Variants in LCT observed in about 807,000 individuals in gnomAD.
LCT encodes the protein lactase/phlorizin hydrolase.
Under a neutral mutation model 173.0 loss-of-function variants are expected in LCT, and 90 were observed. The observed-to-expected ratio is 0.52, with a 90% confidence interval of 0.44 to 0.62. The LOEUF (loss-of-function observed/expected upper bound fraction) is 0.62. Among genes scored for constraint, LCT ranks in the 20% least tolerant of loss-of-function variants. LCT has a pLI of 0.00. For missense variants in LCT, 1,864 were observed against 2,431.4 expected (o/e 0.77, Z 4.91); for synonymous variants, 853 against 957.6 (o/e 0.89, Z 2.02).
At chr2:135,791,154 G>C (rs1320724906) in intron 14 of LCT, among the ~76,000 whole-genome samples, 3 of 152,172 alleles carry the variant, frequency 2.0e-5, no homozygotes, top group Non-Finnish European at 4.4e-5. Context: ...CTTGCTCATG[G>C]AGCCCAGCCC....
At chr2:135,832,435 A>G (rs905662691) in intron 2 of LCT, among the ~76,000 whole-genome samples, 3 of 151,860 alleles carry the variant, frequency 2.0e-5, no homozygotes, top group African/African-American at 7.2e-5. Flanking sequence ...CTGTAAAAAA[A>G]TAAATAAATA....
rs559721197 is a variant in LCT, at chr2:135,825,610, C to T, written c.805-1607G>A. 4.6e-5 allele frequency among the ~76,000 whole-genome samples: 7 copies of T among 152,286 alleles called. No homozygotes were observed. In the East Asian group the frequency reaches 9.7e-4, roughly 21 times the overall value. On this transcript the variant is annotated intron_variant, in intron 3 of 16. Coordinates refer to ENST00000264162, the MANE Select transcript of LCT (RefSeq NM_002299.4). ...CTGATAAGTGGATGGGGGACCTCCT[C>T]GTGTGCCTCCTGCAGAACCGAGAAC... is the stretch of plus-strand genomic sequence containing the variant.
Position 135,808,512 on chromosome 2 carries a change from T to C in LCT, c.3835A>G (p.Thr1279Ala), listed in dbSNP as rs2077696216. The C allele has an allele frequency of 6.2e-7, 1 of 1,614,102 alleles. No individual in the cohort carries two copies. Among genetic ancestry groups the C allele is most frequent in the East Asian group, 2.2e-5 (1 of 44,894 alleles). Residue 1279 changes from threonine (T) to alanine (A), a missense_variant, in exon 8 of 17, where the codon ACC becomes GCC. Thr to Ala is a moderately conservative substitution (Grantham distance 58, BLOSUM62 0). Around this residue, in one of 4 missense-constraint regions of LCT, gnomAD observed 755 missense variants for 926.3 expected, o/e 0.82. Coordinates refer to ENST00000264162, the MANE Select transcript of LCT (RefSeq NM_002299.4). ...IYITENGVGL[T>A]NPNTEDTDRI... Reference sequence around the variant, plus strand: ...TCAGTATCCTCCGTGTTCGGATTGGTCAGCCCCACTCCGTTTTCGGTGATG... The same window carrying C: ...TCAGTATCCTCCGTGTTCGGATTGGCCAGCCCCACTCCGTTTTCGGTGATG...
At chr2:135,792,720 C>T (rs945479503) in intron 14 of LCT, among the ~76,000 whole-genome samples, 1 of 152,198 alleles carries the variant, frequency 6.6e-6, no homozygotes, top group African/African-American at 2.4e-5. Flanking sequence ...CCTATTCCCC[C>T]ACAGTGGCCA....
At chr2:135,797,243 C>A (rs1021687955) in intron 13 of LCT, among the ~76,000 whole-genome samples, 2 of 152,112 alleles carry the variant, frequency 1.3e-5, no homozygotes, top group African/African-American at 2.4e-5. Context: ...CCACCGCACC[C>A]GGCCTGGGAG....
chr2:135,834,787 C>CAAAAAAAA lies in LCT; in HGVS notation c.641-1605_641-1598dup, dbSNP rs60298631. Among the ~76,000 whole-genome samples, 50 of 34,128 alleles carry CAAAAAAAA rather than the reference C, an allele frequency of 1.5e-3. 1 individual carries two copies. Among genetic ancestry groups the CAAAAAAAA allele is most frequent in the African/African-American group, 2.2e-3 (22 of 10,176 alleles). 22.4% of individuals were successfully genotyped at this position (34,128 alleles called of 152,430 possible). ...TGGACAAAAGAGTGAGACTCCATCT[C>CAAAAAAAA]AAAAAAAAAAAAAAAAAAAAAAAGA... On this transcript the variant is annotated intron_variant, in intron 1 of 16. Coordinates refer to ENST00000264162, the MANE Select transcript of LCT (RefSeq NM_002299.4).
chr2:135,788,739 C>A (rs1033006332), intron 16 of LCT, among the ~76,000 whole-genome samples, 195 bp from the exon 17 acceptor site: 1 of 152,192 alleles, frequency 6.6e-6, no homozygotes, highest in Non-Finnish European at 1.5e-5. Context: ...ATTTTTTAAA[C>A]ATCTCTATCA....
chr2:135,793,574 C>A (rs2077551091), intron 14 of LCT, among the ~76,000 whole-genome samples: 2 of 152,140 alleles, frequency 1.3e-5, no homozygotes, highest in African/African-American at 4.8e-5. Context: ...TTCTATAAGA[C>A]CCCCAAAAGG....
In LCT at chr2:135,809,855, G is replaced by A; in HGVS notation, c.2492C>T (p.Pro831Leu). Residue 831 changes from proline to leucine, a missense_variant, in exon 8 of 17, where the codon CCC (proline) becomes CTC (leucine). Pro to Leu is a moderately conservative substitution (Grantham distance 98, BLOSUM62 -3). Transcript: ENST00000264162. This position sits in a 1 kb window ranked among gnomAD's most constrained non-coding sequence, Gnocchi z 5.5. ...AGTGAAAAAGTAGGCAGATTTCCTG[G>A]GAGTCCTTGACTTGCTGCTGTCGCT... is the stretch of plus-strand genomic sequence containing the variant. ...NFSDSSKSRT[P>L]RKSAYFFTSI... 1 of 1,614,102 alleles carries A rather than the reference G, an allele frequency of 6.2e-7. No homozygotes were observed. The highest frequency in any genetic ancestry group is 8.5e-7 in the Non-Finnish European group (1 of 1,179,998).
chr2:135,837,065 T>C lies in LCT; in HGVS notation c.105A>G (p.Leu35=). 1 of 1,614,078 alleles carries C rather than the reference T, an allele frequency of 6.2e-7. No homozygotes were observed. Among genetic ancestry groups the C allele is most frequent in the Non-Finnish European group, 8.5e-7 (1 of 1,179,992 alleles). ...DRNFISTAGP[L]TNDLLHNLSG... is the part of the protein sequence containing the mutation. ...TCAGGTTGTGCAGCAAGTCATTGGT[T>C]AGAGGACCAGCGGTGGAAATGAAAT... Residue 35 remains leucine, a synonymous_variant, in exon 1 of 17, where the codon CTA becomes CTG. Coordinates refer to ENST00000264162, the MANE Select transcript of LCT (RefSeq NM_002299.4).
In LCT at chr2:135,822,115, T is replaced by C. The variant is rs1327993128; in HGVS notation, c.908-17A>G. On this transcript the variant is annotated splice_polypyrimidine_tract_variant and intron_variant, in intron 4 of 16. Transcript: ENST00000264162. ...TATTTATGGCTGTAAGAGAAGAAATTGAATTAACTCTATGTAAATGCCAAC... is the reference window on the plus strand; with the variant it reads ...TATTTATGGCTGTAAGAGAAGAAATCGAATTAACTCTATGTAAATGCCAAC... 6.9e-7 allele frequency: 1 copy of C among 1,443,492 alleles called. No homozygotes were observed. Among genetic ancestry groups the C allele is most frequent in the African/African-American group, 1.4e-5 (1 of 71,614 alleles). The allele number at this position is 1,443,492 out of a possible 1,614,324, so 89.4% of individuals were successfully genotyped here.
intron 9 of LCT, 112 bp downstream of exon 9, chr2:135,807,016 T>A (rs1483548199): frequency 4.0e-6 from 5 of 1,257,122 alleles, no homozygotes; most frequent in Non-Finnish European, 5.7e-6. Flanking sequence ...TGCCCCTCCA[T>A]GGGTCTGCTG....
intron 6 of LCT, 26 bp downstream of exon 6, chr2:135,817,315 G>C (rs376011724): frequency 1.9e-6 from 3 of 1,609,110 alleles, no homozygotes; most frequent in Non-Finnish European, 2.5e-6. Context: ...CCTCCAATTA[G>C]TAGGAGCTGC....
Position 135,804,093 on chromosome 2 carries a change from G to C in LCT, c.4500C>G (p.Leu1500=), listed in dbSNP as rs753059062. ...TIYHWDLPQT[L]QDVGGWENET... is the part of the protein sequence containing the mutation. ...CATTCTCCCAGCCTCCTACATCTTG[G>C]AGCGTCTGTGGTAGGTCCCAGTGGT... Residue 1500 remains leucine (L), a synonymous_variant, in exon 11 of 17, where the codon CTC becomes CTG. Coordinates refer to ENST00000264162, the MANE Select transcript of LCT (RefSeq NM_002299.4). The C allele has an allele frequency of 5.9e-5, 95 of 1,613,992 alleles. No homozygotes were observed. The highest frequency in any genetic ancestry group is 8.0e-5 in the Non-Finnish European group (94 of 1,180,032).
intron 4 of LCT, 133 bp downstream of exon 4, chr2:135,823,768 C>A: frequency 1.4e-6 from 1 of 719,270 alleles, no homozygotes; most frequent in East Asian, 2.7e-5. Flanking sequence ...CTAACCCAGT[C>A]TGGGGTGGGC....
At chr2:135,832,999 C>A in intron 2 of LCT, 112 bp downstream of exon 2, 1 of 834,188 alleles carries the variant, frequency 1.2e-6, no homozygotes, top group South Asian at 1.3e-5. Flanking sequence ...ACCACTCATT[C>A]TGAGGCATTT....
Position 135,800,730 on chromosome 2 carries a change from C to CAGAT in LCT, c.4739_4742dup (p.Tyr1582SerfsTer21). 6.2e-7 allele frequency: 1 copy of CAGAT among 1,614,136 alleles called. No individual in the cohort carries two copies. Among genetic ancestry groups the CAGAT allele is most frequent in the Non-Finnish European group, 8.5e-7 (1 of 1,180,022 alleles). On this transcript the variant is annotated frameshift_variant, in exon 12 of 17. Coordinates refer to ENST00000264162, the MANE Select transcript of LCT (RefSeq NM_002299.4). LOFTEE classifies it high-confidence loss of function. ...GACTGGCGCGGTACACATCGTTGTA[C>CAGAT]AGATGCCAGGCCTCAGCATGAGCCT...
chr2:135,837,066 A>AAC lies in LCT; in HGVS notation c.103_104insGT (p.Leu35ArgfsTer2), dbSNP rs778290191. The stretch of plus-strand genomic sequence containing the variant: ...CAGGTTGTGCAGCAAGTCATTGGTT[A>AAC]GAGGACCAGCGGTGGAAATGAAATT... On this transcript the variant is annotated frameshift_variant, in exon 1 of 17. Transcript: ENST00000264162. LOFTEE classifies it high-confidence loss of function. The AAC allele has an allele frequency of 6.2e-7, 1 of 1,614,148 alleles. No homozygotes were observed. Among genetic ancestry groups the AAC allele is most frequent in the Non-Finnish European group, 8.5e-7 (1 of 1,180,018 alleles).
intron 1 of LCT, among the ~76,000 whole-genome samples, chr2:135,833,999 A>G (rs1400973379): frequency 6.6e-6 from 1 of 152,150 alleles, no homozygotes; most frequent in Non-Finnish European, 1.5e-5. Flanking sequence ...TATTTCACAT[A>G]GCATAATGTC....
Sources: gnomAD v4.1 joint callset for allele counts (sites outside exome capture counted in the v4.1 genomes callset) on GRCh38, gnomAD v4.1.1 for gene constraint, gnomAD v4.1.1 regional missense constraint, Gnocchi (gnomAD v3.1) non-coding constraint, MANE v1.5 for transcripts, NCBI Gene and HGNC (gene_info 2026-07-23, HGNC 2026-07-21) for gene names.